Variants in CMIP observed in about 807,000 individuals in gnomAD.
The protein encoded by CMIP is c-Maf inducing protein.
A neutral mutation model predicts 97.3 loss-of-function variants in CMIP; 13 were observed. That is an observed-to-expected ratio of 0.13 (90% CI 0.09 to 0.21). The LOEUF (loss-of-function observed/expected upper bound fraction) is 0.21. Ranked by LOEUF, CMIP falls within the 10% of genes least tolerant of loss-of-function variation. CMIP has a pLI of 1.00. For synonymous variants in CMIP, 538 were observed against 436.3 expected (o/e 1.23, Z -2.91); for missense variants, 847 against 1,024.9 (o/e 0.83, Z 2.37).
chr16:81,468,602 T>A (rs896056068), intron 1 of CMIP, among the ~76,000 whole-genome samples: 3 of 152,236 alleles, frequency 2.0e-5, no homozygotes, highest in Non-Finnish European at 1.5e-5. Flanking sequence ...ACCTCCTGGG[T>A]ACCAGGCATT....
intron 9 of CMIP, among the ~76,000 whole-genome samples, chr16:81,673,124 T>C (rs1203994223): frequency 6.6e-6 from 1 of 152,036 alleles, no homozygotes; most frequent in Non-Finnish European, 1.5e-5. Context: ...AAAAGGAAAC[T>C]CCAAGACCAG....
At chr16:81,653,973 A>G (rs1339505016) in intron 4 of CMIP, among the ~76,000 whole-genome samples, 1 of 152,152 alleles carries the variant, frequency 6.6e-6, no homozygotes, top group Non-Finnish European at 1.5e-5. Context: ...AGTGATACTG[A>G]GTGACCTGCC....
intron 1 of CMIP, among the ~76,000 whole-genome samples, chr16:81,539,477 A>G (rs1358732410): frequency 6.6e-6 from 1 of 152,194 alleles, no homozygotes; most frequent in Non-Finnish European, 1.5e-5. Context: ...GAGTGAGAGA[A>G]GGGCACTCCA....
Position 81,693,477 on chromosome 16 carries a change from C to A in CMIP, c.1520C>A (p.Pro507His), listed in dbSNP as rs777784614. The change falls in exon 13 of 21, where the codon CCC becomes CAC. Residue 507 changes from proline to histidine, a missense_variant. Coordinates refer to ENST00000537098, the MANE Select transcript of CMIP (RefSeq NM_198390.3). ...GTGATTCAGAGGTTCGCCGAAGACCCCAGGCAAGAGGTGAGGCCTTTGTTT... is the reference window on the plus strand; with the variant it reads ...GTGATTCAGAGGTTCGCCGAAGACCACAGGCAAGAGGTGAGGCCTTTGTTT... ...KYVIQRFAEDPRQEVHSCLLS... is the reference protein window; with the variant it reads ...KYVIQRFAEDHRQEVHSCLLS... 4.3e-6 allele frequency: 7 copies of A among 1,612,554 alleles called. No homozygotes were observed. The highest frequency in any genetic ancestry group is 1.3e-5 in the African/African-American group (1 of 74,924).
At chr16:81,675,265 G>A (rs540564587) in intron 9 of CMIP, among the ~76,000 whole-genome samples, 17 of 152,110 alleles carry the variant, frequency 1.1e-4, no homozygotes, top group South Asian at 1.0e-3. Context: ...GTGCGGTGGC[G>A]CAATCTCTGC....
intron 7 of CMIP, among the ~76,000 whole-genome samples, chr16:81,669,480 CCT>C (rs1262754070): frequency 5.8e-5 from 8 of 138,962 alleles, no homozygotes; most frequent in South Asian, 2.5e-4. Flanking sequence ...TCCACACCCA[CCT>C]CTCTCACCTC....
chr16:81,598,894 G>A (rs752125684), intron 1 of CMIP, among the ~76,000 whole-genome samples: 6 of 151,514 alleles, frequency 4.0e-5, no homozygotes, highest in East Asian at 1.9e-4. Flanking sequence ...GCTTGAAGCC[G>A]GGAGGCGGGG....
At chr16:81,708,955 A>G (rs1309892779) in intron 20 of CMIP, among the ~76,000 whole-genome samples, 1 of 152,236 alleles carries the variant, frequency 6.6e-6, no homozygotes, top group Non-Finnish European at 1.5e-5. Flanking sequence ...TGGCCAGTGT[A>G]CAGGAAAGTT....
At chr16:81,495,713 G>A (rs1047690811) in intron 1 of CMIP, among the ~76,000 whole-genome samples, 2 of 152,210 alleles carry the variant, frequency 1.3e-5, no homozygotes, top group Non-Finnish European at 2.9e-5. Flanking sequence ...CTCTTTGGAG[G>A]ACTTGAGACA....
intron 1 of CMIP, among the ~76,000 whole-genome samples, chr16:81,593,311 A>G (rs1352240976): frequency 6.6e-6 from 1 of 150,486 alleles, no homozygotes; most frequent in Non-Finnish European, 1.5e-5. Context: ...TGGGTCCCCA[A>G]GGAGAGTTGG....
At position 81,678,377 on chromosome 16, in the gene CMIP, C is replaced by G; in HGVS notation, c.1137C>G (p.Asp379Glu). The change falls in exon 10 of 21, where the codon GAC becomes GAG. Residue 379 changes from aspartate to glutamate, a missense_variant. Around this residue, in one of 4 missense-constraint regions of CMIP, gnomAD observed 202 missense variants for 168.7 expected, o/e 1.20. Coordinates refer to ENST00000537098, the MANE Select transcript of CMIP (RefSeq NM_198390.3). ...LPLRLLHPSP[D>E]LVSQEATLSE... ...TGCGCCTTCTGCACCCCAGCCCGGA[C>G]CTGGTGTCTCAGGAAGCCACGCTGT... is the stretch of plus-strand genomic sequence containing the variant. The G allele has an allele frequency of 6.2e-7, 1 of 1,612,178 alleles. No individual in the cohort carries two copies. Among genetic ancestry groups the G allele is most frequent in the Non-Finnish European group, 8.5e-7 (1 of 1,179,228 alleles).
chr16:81,568,802 TA>T (rs2091031211), intron 1 of CMIP, among the ~76,000 whole-genome samples: 1 of 152,168 alleles, frequency 6.6e-6, no homozygotes, highest in African/African-American at 2.4e-5. Context: ...AGCCTCGCCA[TA>T]AACCAGTCTG....
intron 17 of CMIP, 116 bp from the exon 18 acceptor site, chr16:81,703,820 GCCC>G (rs1234398708): frequency 1.5e-6 from 2 of 1,334,568 alleles, no homozygotes; most frequent in Admixed American, 5.3e-5. Context: ...GGGATTTACC[GCCC>G]CCCAGGAACA....
intron 1 of CMIP, among the ~76,000 whole-genome samples, chr16:81,581,622 A>G (rs1290338874): frequency 6.6e-6 from 1 of 152,150 alleles, no homozygotes; most frequent in Admixed American, 6.6e-5. Flanking sequence ...CCATGTTTTC[A>G]GTTCTTTGGG....
chr16:81,498,857 G>A (rs976131205), intron 1 of CMIP, among the ~76,000 whole-genome samples: 60 of 152,244 alleles, frequency 3.9e-4, no homozygotes, highest in African/African-American at 1.3e-3. Context: ...AGTTTACACC[G>A]TGCACACCTC....
chr16:81,503,119 G>A (rs772740276), intron 1 of CMIP, among the ~76,000 whole-genome samples: 2 of 152,210 alleles, frequency 1.3e-5, no homozygotes, highest in Non-Finnish European at 2.9e-5. Flanking sequence ...CACAGGCCCC[G>A]GAGTACGGTG....
chr16:81,708,220 G>T (rs1417266618), intron 20 of CMIP, among the ~76,000 whole-genome samples: 1 of 152,352 alleles, frequency 6.6e-6, no homozygotes, highest in Admixed American at 6.5e-5. Context: ...ACAGAAGGTG[G>T]CAGGGGCACA....
intron 1 of CMIP, among the ~76,000 whole-genome samples, chr16:81,452,006 C>G (rs965908751): frequency 6.6e-6 from 1 of 152,184 alleles, no homozygotes; most frequent in Non-Finnish European, 1.5e-5. Flanking sequence ...GGTGATGAGA[C>G]GTGCGTGTGG....
intron 1 of CMIP, among the ~76,000 whole-genome samples, chr16:81,465,903 C>T (rs553096982): frequency 2.0e-5 from 3 of 152,342 alleles, no homozygotes; most frequent in African/African-American, 7.2e-5. Flanking sequence ...CCAAACACAG[C>T]CCCACTAGAA....
Sources: gnomAD v4.1 joint callset for allele counts (sites outside exome capture counted in the v4.1 genomes callset) on GRCh38, gnomAD v4.1.1 for gene constraint, gnomAD v4.1.1 regional missense constraint, MANE v1.5 for transcripts, NCBI Gene and HGNC (gene_info 2026-07-23, HGNC 2026-07-21) for gene names.